SEMA3E: variants seen among roughly 807,000 people sequenced by gnomAD.
The protein encoded by SEMA3E is semaphorin 3E.
SEMA3E carries 49 observed loss-of-function variants against 93.6 expected under a neutral mutation model. The observed-to-expected ratio is 0.52, with a 90% CI of 0.42 to 0.66. SEMA3E has a LOEUF of 0.66. Among genes scored for constraint, SEMA3E ranks in the 30% least tolerant of loss-of-function variants. The pLI is 0.00. For missense variants in SEMA3E, 906 were observed against 964.8 expected, an observed-to-expected ratio of 0.94 and a Z score of 0.81; for synonymous variants, 363 against 330.7, an observed-to-expected ratio of 1.10 and a Z score of -1.06.
chr7:83,528,336 G>A (rs1251667789), intron 1 of SEMA3E, among the ~76,000 whole-genome samples: 2 of 151,966 alleles, frequency 1.3e-5, no homozygotes, highest in African/African-American at 4.8e-5. Flanking sequence ...CTATTTCTTT[G>A]AAGTTAGAAT....
chr7:83,585,141 C>CT (rs1387503750), intron 1 of SEMA3E, among the ~76,000 whole-genome samples: 1 of 152,164 alleles, frequency 6.6e-6, no homozygotes, highest in Non-Finnish European at 1.5e-5. Context: ...CTTCTCAGGA[C>CT]TAAGTCCTTG....
chr7:83,518,395 T>C (rs951272826), intron 1 of SEMA3E, among the ~76,000 whole-genome samples: 4 of 151,824 alleles, frequency 2.6e-5, no homozygotes, highest in Non-Finnish European at 5.9e-5. Context: ...AGGAAATCTA[T>C]AGGTTGGAGA....
intron 1 of SEMA3E, among the ~76,000 whole-genome samples, chr7:83,617,476 A>AAATTTTATATAAATAATATAT: frequency 3.3e-5 from 1 of 30,742 alleles, no homozygotes; most frequent in South Asian, 1.3e-3. Context: ...AATTTTATAT[A>AAATTTTATATAAATAATATAT]AATTTTATAT....
At chr7:83,468,055 G>A (rs1287338744) in intron 3 of SEMA3E, among the ~76,000 whole-genome samples, 3 of 152,114 alleles carry the variant, frequency 2.0e-5, no homozygotes, top group Non-Finnish European at 2.9e-5. Context: ...ATCAATACAT[G>A]CAATCATCAG....
chr7:83,459,428 C>G (rs887541932), intron 4 of SEMA3E, among the ~76,000 whole-genome samples: 3 of 152,162 alleles, frequency 2.0e-5, no homozygotes, highest in Non-Finnish European at 4.4e-5. Flanking sequence ...ATTTGCATCA[C>G]AAGAGGTAAA....
chr7:83,573,423 A>T (rs1001506168), intron 1 of SEMA3E, among the ~76,000 whole-genome samples: 3 of 152,120 alleles, frequency 2.0e-5, no homozygotes, highest in Non-Finnish European at 4.4e-5. Context: ...GTAAATATAT[A>T]CAAATGTATA....
Position 83,620,315 on chromosome 7 carries a change from A to G in SEMA3E, c.115+28113T>C, listed in dbSNP as rs1390743748. On this transcript the variant is annotated intron_variant, in intron 1 of 16. Transcript: ENST00000643230. ...CTGACATATACCTAATATTGAGAAT[A>G]AAAATCTGAATAAACCTAGCTTAAA... Among the ~76,000 whole-genome samples, 14 of 151,984 alleles carry G rather than the reference A, an allele frequency of 9.2e-5. No individual in the cohort carries two copies. In the Admixed American group the frequency reaches 9.2e-4, roughly 10 times the overall value.
At chr7:83,504,502 T>C (rs948592431) in intron 1 of SEMA3E, among the ~76,000 whole-genome samples, 1 of 152,144 alleles carries the variant, frequency 6.6e-6, no homozygotes, top group Non-Finnish European at 1.5e-5. Context: ...TGCTTCTTAC[T>C]AGGTAATAGG....
intron 4 of SEMA3E, among the ~76,000 whole-genome samples, chr7:83,441,757 A>G (rs1190568491): frequency 6.8e-6 from 1 of 146,220 alleles, no homozygotes; most frequent in Non-Finnish European, 1.6e-5. Context: ...ACAGGTATGG[A>G]TACACACACA....
chr7:83,490,073 CT>C, intron 2 of SEMA3E, 40 bp downstream of exon 2: 7 of 1,596,798 alleles, frequency 4.4e-6, no homozygotes, highest in Non-Finnish European at 5.1e-6. Flanking sequence ...AATTTCCCCC[CT>C]TTTCTATCTC....
chr7:83,462,139 C>G (rs557774885), intron 4 of SEMA3E: 11 of 152,368 alleles, frequency 7.2e-5, no homozygotes, highest in Non-Finnish European at 1.3e-4. Context: ...AAGACCGACA[C>G]TGCCCGATCA....
At chr7:83,465,210 C>T (rs1160731605) in intron 4 of SEMA3E, among the ~76,000 whole-genome samples, 8 of 151,950 alleles carry the variant, frequency 5.3e-5, no homozygotes, top group South Asian at 2.1e-4. Flanking sequence ...AGAGAACAAA[C>T]CCCCTTTGAC....
At chr7:83,585,882 C>G (rs1792616295) in intron 1 of SEMA3E, among the ~76,000 whole-genome samples, 1 of 152,070 alleles carries the variant, frequency 6.6e-6, no homozygotes, top group African/African-American at 2.4e-5. Context: ...TCTTAGTGCC[C>G]TCATTTGTAG....
chr7:83,432,198 C>CA (rs1229764727), intron 4 of SEMA3E, among the ~76,000 whole-genome samples: 1 of 152,018 alleles, frequency 6.6e-6, no homozygotes, highest in Non-Finnish European at 1.5e-5. Flanking sequence ...CCACCTCTAC[C>CA]AGGCTCTGAA....
At chr7:83,374,249 A>C (rs868509423) in intron 16 of SEMA3E, among the ~76,000 whole-genome samples, 16 of 150,870 alleles carry the variant, frequency 1.1e-4, no homozygotes, top group African/African-American at 3.6e-4. Context: ...AAGAAATTCA[A>C]ATTTAAACAA....
intron 1 of SEMA3E, among the ~76,000 whole-genome samples, chr7:83,634,464 C>T (rs962611409): frequency 1.3e-5 from 2 of 151,958 alleles, no homozygotes; most frequent in Admixed American, 6.6e-5. Context: ...CATTTTGGAG[C>T]AAGCAAAAAA....
chr7:83,505,681 A>G lies in SEMA3E; in HGVS notation c.116-15407T>C, dbSNP rs1240732795. Among the ~76,000 whole-genome samples the G allele has an allele frequency of 2.0e-5, 3 of 152,252 alleles. No individual in the cohort carries two copies. The East Asian group carries it at 5.8e-4, about 29-fold the overall frequency. ...CCATAAGAATTACAGAATTAGTTCTATCATTATGGAAAGATAAGAATTTAT... is the reference window on the plus strand; with the variant it reads ...CCATAAGAATTACAGAATTAGTTCTGTCATTATGGAAAGATAAGAATTTAT... On this transcript the variant is annotated intron_variant, in intron 1 of 16. Transcript: ENST00000643230.
chr7:83,544,228 G>A lies in SEMA3E; in HGVS notation c.116-53954C>T, dbSNP rs372793039. On this transcript the variant is annotated intron_variant, in intron 1 of 16. Transcript: ENST00000643230. ...GAAGTATATAAATTTCTTTTATTGT[G>A]TTCTTCCTTACTTCGCCATTTATTT... 7.9e-5 allele frequency among the ~76,000 whole-genome samples: 12 copies of A among 152,042 alleles called. 1 individual carries two copies. Among genetic ancestry groups the A allele is most frequent in the African/African-American group, 7.2e-5 (3 of 41,496 alleles).
intron 4 of SEMA3E, among the ~76,000 whole-genome samples, chr7:83,446,558 TGAAGATCAAATTGAAAGAGTG>T (rs1386760841): frequency 2.0e-5 from 3 of 152,142 alleles, no homozygotes; most frequent in Non-Finnish European, 4.4e-5. Flanking sequence ...CAGCTGAGGA[TGAAGATCAAATTGAAAGAGTG>T]GAAAAGCAGT....
Sources: gnomAD v4.1 joint callset for allele counts (sites outside exome capture counted in the v4.1 genomes callset) on GRCh38, gnomAD v4.1.1 for gene constraint, MANE v1.5 for transcripts, NCBI Gene and HGNC (gene_info 2026-07-23, HGNC 2026-07-21) for gene names.